Variants in REDIC1 observed in about 807,000 individuals in gnomAD.
REDIC1 encodes the protein regulator of DNA class I crossover intermediates 1.
At chr12:39,682,381 A>G in the REDIC1 span, among the ~76,000 whole-genome samples, 4 of 152,126 alleles carry the variant, frequency 2.6e-5, no homozygotes, top group Non-Finnish European at 1.5e-5. Context: ...TTCATGTTGT[A>G]ATAAAAAACT....
chr12:39,739,898 C>T, the REDIC1 span, among the ~76,000 whole-genome samples: 2 of 152,138 alleles, frequency 1.3e-5, no homozygotes, highest in African/African-American at 2.4e-5. Flanking sequence ...GCCTCAAGCT[C>T]GCATGCTTCT....
chr12:39,772,016 T>G, the REDIC1 span, among the ~76,000 whole-genome samples: 25 of 152,152 alleles, frequency 1.6e-4, no homozygotes, highest in Admixed American at 1.6e-3. Context: ...CCAAGGCCTG[T>G]GTGGATGCTA....
the REDIC1 span, among the ~76,000 whole-genome samples, chr12:39,680,677 G>T: frequency 2.0e-5 from 3 of 152,032 alleles, no homozygotes; most frequent in Non-Finnish European, 4.4e-5. Flanking sequence ...ACTTGCATGT[G>T]CATGTTTATA....
At chr12:39,732,532 A>G in the REDIC1 span, among the ~76,000 whole-genome samples, 3 of 151,972 alleles carry the variant, frequency 2.0e-5, no homozygotes, top group Non-Finnish European at 1.5e-5. Context: ...CTTTTATGTC[A>G]TTTTCACTTA....
At chr12:39,797,550 T>C in the REDIC1 span, among the ~76,000 whole-genome samples, 6 of 152,186 alleles carry the variant, frequency 3.9e-5, no homozygotes, top group South Asian at 4.1e-4. Flanking sequence ...AATATTTTAG[T>C]CAATTTCACA....
the REDIC1 span, among the ~76,000 whole-genome samples, chr12:39,693,600 T>G: frequency 6.6e-6 from 1 of 152,170 alleles, no homozygotes. Flanking sequence ...AATATTCCTA[T>G]AGATTCCTCT....
the REDIC1 span, among the ~76,000 whole-genome samples, chr12:39,897,906 T>C: frequency 6.6e-6 from 1 of 152,158 alleles, no homozygotes; most frequent in Non-Finnish European, 1.5e-5. Flanking sequence ...CATTTTTATG[T>C]AGATCTATGA....
At chr12:39,692,230 T>A in the REDIC1 span, 4 of 974,760 alleles carry the variant, frequency 4.1e-6, no homozygotes, top group Non-Finnish European at 5.7e-6. Context: ...ATCATGGATA[T>A]TTTAGTACTA....
chr12:39,843,910 T>A, the REDIC1 span, among the ~76,000 whole-genome samples: 3 of 152,062 alleles, frequency 2.0e-5, no homozygotes, highest in East Asian at 3.9e-4. Context: ...TACTGGCACA[T>A]GTCTTAAGTT....
At chr12:39,698,482 A>G in the REDIC1 span, among the ~76,000 whole-genome samples, 4 of 152,228 alleles carry the variant, frequency 2.6e-5, no homozygotes, top group African/African-American at 4.8e-5. Flanking sequence ...CATCTGTACT[A>G]TAGATCAAAT....
At chr12:39,806,734 T>G in the REDIC1 span, among the ~76,000 whole-genome samples, 2 of 152,212 alleles carry the variant, frequency 1.3e-5, no homozygotes, top group African/African-American at 4.8e-5. Context: ...TAAATTATAC[T>G]GTGGGAAACA....
the REDIC1 span, among the ~76,000 whole-genome samples, chr12:39,669,201 T>G: frequency 3.9e-5 from 6 of 152,188 alleles, no homozygotes; most frequent in African/African-American, 1.4e-4. Context: ...CCTTTGGTCT[T>G]TGATGATGGT....
chr12:39,772,502 TTTAA>T, the REDIC1 span, among the ~76,000 whole-genome samples: 1 of 152,094 alleles, frequency 6.6e-6, no homozygotes, highest in Non-Finnish European at 1.5e-5. Context: ...TTTGCATTTG[TTTAA>T]TTGTGAGTAG....
the REDIC1 span, among the ~76,000 whole-genome samples, chr12:39,632,943 CT>C: frequency 6.6e-6 from 1 of 152,126 alleles, no homozygotes; most frequent in South Asian, 2.1e-4. Context: ...TAGGACATTA[CT>C]GTATACTACT....
At chr12:39,789,065 A>C in the REDIC1 span, among the ~76,000 whole-genome samples, 2 of 152,134 alleles carry the variant, frequency 1.3e-5, no homozygotes, top group Non-Finnish European at 2.9e-5. Flanking sequence ...TTAAAGAATG[A>C]TAATAAGATA....
chr12:39,648,009 A>G, the REDIC1 span: 10 of 1,311,364 alleles, frequency 7.6e-6, no homozygotes, highest in Non-Finnish European at 1.0e-5. Flanking sequence ...TTAGCATTTT[A>G]TATAATTATA....
At chr12:39,732,106 T>C in the REDIC1 span, among the ~76,000 whole-genome samples, 8 of 152,298 alleles carry the variant, frequency 5.3e-5, no homozygotes, top group African/African-American at 1.4e-4. Flanking sequence ...ACCACTCCAA[T>C]TGTGCATCCC....
At chr12:39,879,102 C>G in the REDIC1 span, among the ~76,000 whole-genome samples, 7 of 152,258 alleles carry the variant, frequency 4.6e-5, no homozygotes, top group Non-Finnish European at 8.8e-5. Flanking sequence ...TGGTGTTAAG[C>G]CTATAGATAT....
At chr12:39,688,556 A>C in the REDIC1 span, among the ~76,000 whole-genome samples, 2 of 152,194 alleles carry the variant, frequency 1.3e-5, no homozygotes, top group African/African-American at 4.8e-5. Flanking sequence ...GTAGGTCATG[A>C]ATGGCCTTGT....
Sources: allele counts gnomAD v4.1 joint callset (sites outside exome capture counted in the v4.1 genomes callset), GRCh38; gene constraint gnomAD v4.1.1; transcripts MANE v1.5; gene names NCBI Gene and HGNC (gene_info 2026-07-23, HGNC 2026-07-21).